The following ARL8B variants were observed in gnomAD, a reference collection of about 807,000 sequenced individuals.
ARL8B encodes ARF like GTPase 8B, also known as ADP-ribosylation factor-like protein 8B.
In ARL8B, 9 loss-of-function variants were observed where a neutral mutation model predicts 30.6. That is an observed-to-expected ratio of 0.29 (90% confidence interval 0.18 to 0.51). The LOEUF (loss-of-function observed/expected upper bound fraction) is 0.51. Ranked by LOEUF, ARL8B falls within the 20% of genes least tolerant of loss-of-function variation. The pLI, the probability that ARL8B is intolerant of heterozygous loss-of-function variation, is 0.97. For missense variants in ARL8B, 130 were observed against 227.2 expected (o/e 0.57, Z 2.75); for synonymous variants, 74 against 76.0 (o/e 0.97, Z 0.14).
At chr3:5,162,547 G>T (rs1386661628) in intron 1 of ARL8B, among the ~76,000 whole-genome samples, 1 of 152,070 alleles carries the variant, frequency 6.6e-6, no homozygotes, top group East Asian at 1.9e-4. Flanking sequence ...TGTTTATCTG[G>T]GATGTTGGCC....
intron 1 of ARL8B, among the ~76,000 whole-genome samples, chr3:5,129,003 A>T (rs1261850526): frequency 7.8e-6 from 1 of 128,978 alleles, no homozygotes; most frequent in Non-Finnish European, 1.6e-5. Context: ...CTTATTGGAC[A>T]TTTGAGGGAT....
At chr3:5,134,620 A>G (rs529518087) in intron 1 of ARL8B, among the ~76,000 whole-genome samples, 27 of 152,326 alleles carry the variant, frequency 1.8e-4, no homozygotes, top group African/African-American at 6.5e-4. Flanking sequence ...GTGTTAGAGT[A>G]TCATTTTTCT....
chr3:5,150,798 A>G (rs2054476265), intron 1 of ARL8B, among the ~76,000 whole-genome samples: 1 of 152,150 alleles, frequency 6.6e-6, no homozygotes, highest in Non-Finnish European at 1.5e-5. Context: ...AAAATAAAAT[A>G]AAATAAAATA....
At chr3:5,152,560 C>G (rs1377953497) in intron 1 of ARL8B, among the ~76,000 whole-genome samples, 1 of 152,236 alleles carries the variant, frequency 6.6e-6, no homozygotes, top group Admixed American at 6.5e-5. Context: ...TCAAGGCTCA[C>G]TGCCACCTCC....
intron 6 of ARL8B, among the ~76,000 whole-genome samples, chr3:5,175,194 T>TA (rs1379697621): frequency 1.3e-5 from 2 of 152,198 alleles, no homozygotes; most frequent in African/African-American, 4.8e-5. Flanking sequence ...CGTTCAGCGT[T>TA]ACAATGTTAA....
At position 5,148,102 on chromosome 3, in the gene ARL8B, T is replaced by C. The variant is rs533458429; in HGVS notation, c.124-22401T>C. On this transcript the variant is annotated intron_variant, in intron 1 of 6. Coordinates refer to ENST00000256496, the MANE Select transcript of ARL8B (RefSeq NM_018184.3). ...ATGGTCATGGCTGCTCTCTTAATCA[T>C]TCCCCTTTCTTCTCCTGTGAATAGG... Among the ~76,000 whole-genome samples, 22 of 152,090 alleles carry C rather than the reference T, an allele frequency of 1.4e-4. No individual in the cohort carries two copies. The East Asian group carries it at 4.2e-3, about 29-fold the overall frequency.
chr3:5,153,240 C>A (rs150553586), intron 1 of ARL8B, among the ~76,000 whole-genome samples: 43 of 152,256 alleles, frequency 2.8e-4, no homozygotes, highest in African/African-American at 1.0e-3. Context: ...GTGTCCCCAC[C>A]CAAATCTCCT....
intron 1 of ARL8B, among the ~76,000 whole-genome samples, chr3:5,136,902 G>A (rs554083417): frequency 6.6e-6 from 1 of 152,138 alleles, no homozygotes; most frequent in African/African-American, 2.4e-5. Flanking sequence ...GCCCTAACTC[G>A]TCTCCTCACA....
At chr3:5,153,435 T>C in intron 1 of ARL8B, among the ~76,000 whole-genome samples, 1 of 152,010 alleles carries the variant, frequency 6.6e-6, no homozygotes, top group Non-Finnish European at 1.5e-5. Flanking sequence ...CATGTAAGAG[T>C]GACTTGCTCC....
chr3:5,143,733 G>A (rs938138428), intron 1 of ARL8B, among the ~76,000 whole-genome samples: 1 of 152,226 alleles, frequency 6.6e-6, no homozygotes, highest in Non-Finnish European at 1.5e-5. Context: ...ATGGTGAACT[G>A]TGAACTCAAG....
intron 1 of ARL8B, among the ~76,000 whole-genome samples, chr3:5,127,659 A>AGAG (rs1208711223): frequency 1.3e-5 from 2 of 152,034 alleles, no homozygotes; most frequent in Non-Finnish European, 2.9e-5. Flanking sequence ...TTTAAAAAGC[A>AGAG]GAGGGAGATC....
At chr3:5,133,300 A>G (rs1236806168) in intron 1 of ARL8B, among the ~76,000 whole-genome samples, 3 of 152,232 alleles carry the variant, frequency 2.0e-5, no homozygotes, top group South Asian at 2.1e-4. Context: ...ATTCAGAGGA[A>G]TAAGATAAGA....
chr3:5,137,549 C>G (rs1179880431), intron 1 of ARL8B, among the ~76,000 whole-genome samples: 1 of 151,206 alleles, frequency 6.6e-6, no homozygotes, highest in African/African-American at 2.4e-5. Flanking sequence ...AGCAATTCTC[C>G]TGCCTCAGCC....
chr3:5,173,941 TCAC>T, intron 4 of ARL8B, 73 bp from the exon 5 acceptor site: 1 of 1,070,642 alleles, frequency 9.3e-7, no homozygotes, highest in Non-Finnish European at 1.4e-6. Flanking sequence ...CTTTGTGTCT[TCAC>T]ATATCAAGAT....
Position 5,122,355 on chromosome 3 carries a change from C to G in ARL8B, c.-111C>G. ...CCCGCCGGTGTCCGCCCGTGTCGCGCCGGGGCACCAAGGAGCCGTTGGAGG... is the reference window on the plus strand; with the variant it reads ...CCCGCCGGTGTCCGCCCGTGTCGCGGCGGGGCACCAAGGAGCCGTTGGAGG... On this transcript the variant is annotated 5_prime_UTR_variant, in exon 1 of 7. Coordinates refer to ENST00000256496, the MANE Select transcript of ARL8B (RefSeq NM_018184.3). 1 of 1,558,080 alleles carries G rather than the reference C, an allele frequency of 6.4e-7. No individual in the cohort carries two copies. Among genetic ancestry groups the G allele is most frequent in the Non-Finnish European group, 8.7e-7 (1 of 1,153,932 alleles).
At chr3:5,173,794 T>C (rs1397971328) in intron 4 of ARL8B, among the ~76,000 whole-genome samples, 1 of 152,202 alleles carries the variant, frequency 6.6e-6, no homozygotes, top group Non-Finnish European at 1.5e-5. Context: ...TACATAGCAG[T>C]TGGCAGCCAC....
At chr3:5,150,905 C>T (rs1038022239) in intron 1 of ARL8B, among the ~76,000 whole-genome samples, 4 of 152,106 alleles carry the variant, frequency 2.6e-5, no homozygotes, top group South Asian at 4.1e-4. Context: ...GAGAGAGGGC[C>T]GTTTTTTCTT....
chr3:5,129,242 T>C (rs1575557821), intron 1 of ARL8B, among the ~76,000 whole-genome samples: 1 of 152,020 alleles, frequency 6.6e-6, no homozygotes, highest in South Asian at 2.1e-4. Flanking sequence ...TGGTGTGATC[T>C]TGGCACACTG....
chr3:5,178,614 A>C, intron 6 of ARL8B, 50 bp from the exon 7 acceptor site: 1 of 1,552,844 alleles, frequency 6.4e-7, no homozygotes, highest in Non-Finnish European at 8.8e-7. Flanking sequence ...TCTCTGTTTG[A>C]TGTTTAGTTT....
Sources: allele counts gnomAD v4.1 joint callset (sites outside exome capture counted in the v4.1 genomes callset), GRCh38; gene constraint gnomAD v4.1.1; transcripts MANE v1.5; gene names NCBI Gene and HGNC (gene_info 2026-07-23, HGNC 2026-07-21).